HS6ST2: variants seen among roughly 807,000 people sequenced by gnomAD.
The protein encoded by HS6ST2 is heparan-sulfate 6-O-sulfotransferase 2.
Under a neutral mutation model 33.0 loss-of-function variants are expected in HS6ST2, and 17 were observed. That is an observed-to-expected ratio of 0.52 (90% CI 0.35 to 0.77). The LOEUF is 0.77. HS6ST2 is among the 30% of genes least tolerant of loss of function. HS6ST2 has a pLI of 0.01. For synonymous variants in HS6ST2, 248 were observed against 237.1 expected (o/e 1.05, Z -0.42); for missense variants, 519 against 551.7 (o/e 0.94, Z 0.59).
chrX:132,959,209 C>G (rs1216845110), upstream of HS6ST2, among the ~76,000 whole-genome samples: 1 of 111,859 alleles, frequency 8.9e-6, no homozygotes, highest in Non-Finnish European at 1.9e-5. Flanking sequence ...ACTAACACCA[C>G]CTTCTCTAAT....
chrX:132,874,353 G>A (rs1347024778), intron 2 of HS6ST2, among the ~76,000 whole-genome samples: 1 of 112,235 alleles, frequency 8.9e-6, no homozygotes, highest in Non-Finnish European at 1.9e-5. Flanking sequence ...TGAGGCAGGC[G>A]GATCACGAGG....
At chrX:132,722,652 G>C (rs942397052) in intron 2 of HS6ST2, among the ~76,000 whole-genome samples, 6 of 111,496 alleles carry the variant, frequency 5.4e-5, no homozygotes, top group Non-Finnish European at 1.1e-4. Flanking sequence ...AACAATGCCA[G>C]ATATACATAG....
chrX:132,841,444 A>G (rs1265265731), intron 2 of HS6ST2, among the ~76,000 whole-genome samples: 1 of 111,677 alleles, frequency 9.0e-6, no homozygotes, highest in African/African-American at 3.3e-5. Context: ...TTCTGTAAAG[A>G]AAATCGACAG....
chrX:132,636,558 C>T (rs747873816), intron 4 of HS6ST2, among the ~76,000 whole-genome samples: 1 of 112,050 alleles, frequency 8.9e-6, no homozygotes, highest in Non-Finnish European at 1.9e-5. Context: ...AGGAGGAAAC[C>T]TTTGAGACAG....
intron 2 of HS6ST2, among the ~76,000 whole-genome samples, chrX:132,846,836 G>A (rs1230015816): frequency 9.1e-6 from 1 of 109,910 alleles, no homozygotes; most frequent in African/African-American, 3.3e-5. Flanking sequence ...GATCACACCA[G>A]CTCTCTACTA....
intron 2 of HS6ST2, among the ~76,000 whole-genome samples, chrX:132,816,266 C>T (rs1266481719): frequency 8.9e-6 from 1 of 112,009 alleles, no homozygotes; most frequent in African/African-American, 3.2e-5. Flanking sequence ...CAAGTTTGTT[C>T]TTCACACTGT....
intron 2 of HS6ST2, among the ~76,000 whole-genome samples, chrX:132,860,981 AG>A (rs1322864452): frequency 9.2e-6 from 1 of 108,336 alleles, no homozygotes; most frequent in Admixed American, 1.0e-4. Flanking sequence ...TTAGTAGAGA[AG>A]GGGTTTCACC....
chrX:132,750,949 G>A (rs781598671), intron 2 of HS6ST2, among the ~76,000 whole-genome samples: 4 of 112,327 alleles, frequency 3.6e-5, no homozygotes, highest in Admixed American at 2.8e-4. Context: ...GCTCCAAGCC[G>A]ACAGTGGGAG....
intron 2 of HS6ST2, among the ~76,000 whole-genome samples, chrX:132,825,764 ATC>A (rs58962860): frequency 0.3 from 33,582 of 110,491 alleles, 4,004 homozygotes; most frequent in African/African-American, 0.34. Context: ...TCTCTTAGCC[ATC>A]TCTCTATATA....
chrX:132,873,623 T>A, intron 2 of HS6ST2, among the ~76,000 whole-genome samples: 1 of 111,778 alleles, frequency 8.9e-6, no homozygotes, highest in Middle Eastern at 4.7e-3. Context: ...GTTTGGTGGA[T>A]CTGGGTCTTA....
At chrX:132,668,223 T>C (rs2063824595) in intron 4 of HS6ST2, 1 of 111,909 alleles carries the variant, frequency 8.9e-6, no homozygotes, top group Admixed American at 9.5e-5. Flanking sequence ...CATATCTTAT[T>C]GCTAGATTAG....
chrX:132,710,711 A>C (rs1013613039), intron 2 of HS6ST2, among the ~76,000 whole-genome samples: 1 of 111,872 alleles, frequency 8.9e-6, no homozygotes, highest in Non-Finnish European at 1.9e-5. Flanking sequence ...ACAAATTCAT[A>C]ATTTCTCCTT....
chrX:132,752,356 C>T (rs2064714176), intron 2 of HS6ST2, among the ~76,000 whole-genome samples: 1 of 107,689 alleles, frequency 9.3e-6, no homozygotes, highest in African/African-American at 3.4e-5. Context: ...TCTGTGGTCA[C>T]AACTACTTGG....
intron 2 of HS6ST2, among the ~76,000 whole-genome samples, chrX:132,921,638 A>G (rs2066651860): frequency 8.9e-6 from 1 of 112,137 alleles, no homozygotes; most frequent in African/African-American, 3.2e-5. Context: ...CCATGTTTGA[A>G]GTATTAGAGA....
intron 2 of HS6ST2, among the ~76,000 whole-genome samples, chrX:132,902,148 C>T (rs1351992757): frequency 9.3e-6 from 1 of 107,466 alleles, no homozygotes; most frequent in Non-Finnish European, 1.9e-5. Flanking sequence ...TTAACCCAGG[C>T]TGGAGTGCAG....
chrX:132,787,196 T>C lies in HS6ST2; in HGVS notation c.948-78702A>G, dbSNP rs1245477948. ...ATATATATATATATATACATATATA[T>C]ATACACATATATATATACACATATA... On this transcript the variant is annotated intron_variant, in intron 2 of 4. Transcript: ENST00000370833. 6.4e-4 allele frequency among the ~76,000 whole-genome samples: 53 copies of C among 82,286 alleles called. 2 individuals carry two copies. The highest frequency in any genetic ancestry group is 4.3e-3 in the East Asian group (12 of 2,807). 71.5% of individuals were successfully genotyped at this position (82,286 alleles called of 115,157 possible). A position where few individuals can be genotyped will look rare whatever the true frequency, so the allele number is the denominator to read the frequency against.
chrX:132,763,757 T>C (rs2148312831), intron 2 of HS6ST2, among the ~76,000 whole-genome samples: 1 of 112,192 alleles, frequency 8.9e-6, no homozygotes, highest in East Asian at 2.8e-4. Context: ...AGGCTGCTTG[T>C]GTCATCCTCT....
intron 2 of HS6ST2, among the ~76,000 whole-genome samples, chrX:132,946,632 C>T (rs1000046375): frequency 1.8e-5 from 2 of 110,282 alleles, no homozygotes; most frequent in Non-Finnish European, 3.8e-5. Flanking sequence ...TGAGGGGAGG[C>T]GGGAGGGATA....
chrX:132,751,750 A>G (rs1209442818), intron 2 of HS6ST2, among the ~76,000 whole-genome samples: 2 of 112,590 alleles, frequency 1.8e-5, no homozygotes, highest in African/African-American at 3.2e-5. Flanking sequence ...TTTCCCATGT[A>G]TTAACCAGCA....
Sources: gnomAD v4.1 joint callset for allele counts (sites outside exome capture counted in the v4.1 genomes callset) on GRCh38, gnomAD v4.1.1 for gene constraint, MANE v1.5 for transcripts, NCBI Gene and HGNC (gene_info 2026-07-23, HGNC 2026-07-21) for gene names.